PLEKHH3: variants seen among roughly 807,000 people sequenced by gnomAD.
PLEKHH3 encodes the protein pleckstrin homology domain-containing family H member 3.
A neutral mutation model predicts 77.8 loss-of-function variants in PLEKHH3; 57 were observed. That is an observed-to-expected ratio of 0.73 (90% confidence interval 0.59 to 0.91). The LOEUF (loss-of-function observed/expected upper bound fraction) is 0.91. PLEKHH3 is among the 40% of genes least tolerant of loss of function. The pLI is 0.00. For missense variants in PLEKHH3, 1,082 were observed against 1,091.2 expected (o/e 0.99, Z 0.12); for synonymous variants, 467 against 504.8 (o/e 0.93, Z 1.00).
At position 42,668,241 on chromosome 17, in the gene PLEKHH3, G is replaced by GC. The variant is rs1263802810; in HGVS notation, c.2267dup (p.Cys756TrpfsTer61). 7.1e-6 allele frequency: 11 copies of GC among 1,560,066 alleles called. No homozygotes were observed. The highest frequency in any genetic ancestry group is 9.5e-6 in the Non-Finnish European group (11 of 1,159,674). The stretch of plus-strand genomic sequence containing the variant: ...CTTGGCATGGAGGAGAAGAGCTGCT[G>GC]CAGGGCCTCTCGGGGGAGGGGTTGG... On this transcript the variant is annotated frameshift_variant, in exon 13 of 13. Coordinates refer to ENST00000591022, the MANE Select transcript of PLEKHH3 (RefSeq NM_024927.5). LOFTEE classifies it high-confidence loss of function.
intron 1 of PLEKHH3, chr17:42,674,699 C>T (rs2052784517): frequency 2.8e-6 from 1 of 355,140 alleles, no homozygotes; most frequent in African/African-American, 2.1e-5. Flanking sequence ...GGCAGAGAGT[C>T]AGGAGACCTG....
chr17:42,676,281 ACT>A lies in PLEKHH3; in HGVS notation c.162+119_162+120del. On this transcript the variant is annotated intron_variant, in intron 1 of 12. Transcript: ENST00000591022. This position sits in a 1 kb window ranked among gnomAD's most constrained non-coding sequence, Gnocchi z 6.6. ...GGGGGCTTTGGCCCCCAGGCAAAAA[ACT>A]CTCCCTCATCCCTAGTTCGCCAAGC... 13 of 1,495,956 alleles carry A rather than the reference ACT, an allele frequency of 8.7e-6. No individual in the cohort carries two copies. The highest frequency in any genetic ancestry group is 1.2e-5 in the Non-Finnish European group (13 of 1,124,892). The allele number at this position is 1,495,956 out of a possible 1,614,324, so 92.7% of individuals were successfully genotyped here.
Position 42,676,746 on chromosome 17 carries a change from A to T in PLEKHH3, c.-183T>A, listed in dbSNP as rs944543878. The T allele has an allele frequency of 1.6e-5, 10 of 619,112 alleles. No individual in the cohort carries two copies. Among genetic ancestry groups the T allele is most frequent in the Non-Finnish European group, 2.5e-5 (9 of 354,830 alleles). 38.4% of individuals were successfully genotyped at this position (619,112 alleles called of 1,614,324 possible). A position where few individuals can be genotyped will look rare whatever the true frequency, so the allele number is the denominator to read the frequency against. ...GCAAGGGGACGCTAGCCAGACGCTG[A>T]GGGGGGCTCAGTGTCTGGGCCCCCG... On this transcript the variant is annotated 5_prime_UTR_variant, in exon 1 of 13. Transcript: ENST00000591022. This position sits in a 1 kb window ranked among gnomAD's most constrained non-coding sequence, Gnocchi z 6.6.
chr17:42,672,529 A>G, intron 6 of PLEKHH3, 137 bp from the exon 7 acceptor site: 1 of 749,966 alleles, frequency 1.3e-6, no homozygotes, highest in South Asian at 2.0e-5. Context: ...TACGAACGAC[A>G]GGAAGAGTGA....
In PLEKHH3 at chr17:42,670,596, C is replaced by T; in HGVS notation, c.1531G>A (p.Glu511Lys). 1 of 1,611,592 alleles carries T rather than the reference C, an allele frequency of 6.2e-7. No homozygotes were observed. The highest frequency in any genetic ancestry group is 8.5e-7 in the Non-Finnish European group (1 of 1,178,682). The stretch of plus-strand genomic sequence containing the variant: ...ACCTGCTCAAAGAGGAAAGGCAGTT[C>T]GTGACCGTCTGGGGACAGCCCCTCA... ...HPEGLSPDGH[E>K]LPFLFEQAHA... Residue 511 changes from glutamate (E) to lysine (K), a missense_variant, in exon 10 of 13, where the codon GAA (glutamate) becomes AAA (lysine). Around this residue, in one of 3 missense-constraint regions of PLEKHH3, gnomAD observed 733 missense variants for 750.0 expected, o/e 0.98. Coordinates refer to ENST00000591022, the MANE Select transcript of PLEKHH3 (RefSeq NM_024927.5).
In PLEKHH3 at chr17:42,670,697, G is replaced by A. The variant is rs757868240; in HGVS notation, c.1430C>T (p.Ala477Val). 6.2e-7 allele frequency: 1 copy of A among 1,612,334 alleles called. No individual in the cohort carries two copies. Among genetic ancestry groups the A allele is most frequent in the Non-Finnish European group, 8.5e-7 (1 of 1,179,332 alleles). ...DVLTRFENLA[A>V]EEAGLEDSPD... ...CGAGTCCTCCAACCCAGCTTCCTCC[G>A]CGGCCAAGCTGCAGAAGAGGAGCGG... is the stretch of plus-strand genomic sequence containing the variant. The change falls in exon 10 of 13, where the codon GCG becomes GTG. Residue 477 changes from alanine (A) to valine (V), a missense_variant. Around this residue, in one of 3 missense-constraint regions of PLEKHH3, gnomAD observed 733 missense variants for 750.0 expected, o/e 0.98. Coordinates refer to ENST00000591022, the MANE Select transcript of PLEKHH3 (RefSeq NM_024927.5).
Position 42,673,945 on chromosome 17 carries a change from A to T in PLEKHH3, c.287T>A (p.Ile96Asn), listed in dbSNP as rs1567961821. The change falls in exon 3 of 13, where the codon ATC (isoleucine) becomes AAC (asparagine). Residue 96 changes from isoleucine (I) to asparagine (N), a missense_variant. By Grantham distance (149) the Ile-to-Asn change is moderately radical (BLOSUM62 -3). Around this residue, in one of 3 missense-constraint regions of PLEKHH3, gnomAD observed 344 missense variants for 320.8 expected, o/e 1.07. Coordinates refer to ENST00000591022, the MANE Select transcript of PLEKHH3 (RefSeq NM_024927.5). Reference protein sequence around the residue: ...EKGLPEDDPDIVVKGWLYREP... With the variant: ...EKGLPEDDPDNVVKGWLYREP... Reference sequence around the variant, plus strand: ...AGGGGGGTCTCTACCTTTCACAACGATGTCCGGGTCGTCCTCCGGCAGCCC... The same window carrying T: ...AGGGGGGTCTCTACCTTTCACAACGTTGTCCGGGTCGTCCTCCGGCAGCCC... The T allele has an allele frequency of 6.2e-7, 1 of 1,613,376 alleles. No individual in the cohort carries two copies. Among genetic ancestry groups the T allele is most frequent in the East Asian group, 2.2e-5 (1 of 44,854 alleles).
rs1395891036 is a variant in PLEKHH3, at chr17:42,671,097, C to T, written c.1318G>A (p.Ala440Thr). ...AGCGCGAATGCGTTGCGGCTCCGGG[C>T]CAAGCCCAGCCGCCCCACCAGCTCT... ...ARELVGRLGL[A>T]RSRNAFALYE... The change falls in exon 9 of 13, where the codon GCC becomes ACC. Residue 440 changes from alanine to threonine, a missense_variant. Around this residue, in one of 3 missense-constraint regions of PLEKHH3, gnomAD observed 733 missense variants for 750.0 expected, o/e 0.98. Transcript: ENST00000591022. The surrounding 1 kb of genome is among the most constrained non-coding windows in gnomAD (Gnocchi z 4.7). 2.5e-6 allele frequency: 4 copies of T among 1,597,768 alleles called. No individual in the cohort carries two copies. The East Asian group carries it at 6.7e-5, about 27-fold the overall frequency.
Position 42,676,927 on chromosome 17 carries a change from T to G in PLEKHH3, c.-364A>C. 1 of 210,182 alleles carries G rather than the reference T, an allele frequency of 4.8e-6. No individual in the cohort carries two copies. The highest frequency in any genetic ancestry group is 9.5e-6 in the Non-Finnish European group (1 of 105,312). 13.0% of individuals were successfully genotyped at this position (210,182 alleles called of 1,614,324 possible). On this transcript the variant is annotated 5_prime_UTR_variant, in exon 1 of 13. Transcript: ENST00000591022. The surrounding 1 kb of genome is among the most constrained non-coding windows in gnomAD (Gnocchi z 6.6). ...GTTGTCCAAGCTCCAGGGAGGGTCG[T>G]GTCCGGTAGGGCGTCCGGTGGCCGG...
chr17:42,670,123 C>A lies in PLEKHH3; in HGVS notation c.1808G>T (p.Arg603Leu), dbSNP rs962250955. Residue 603 changes from arginine (R) to leucine (L), a missense_variant, in exon 11 of 13, where the codon CGG becomes CTG. Arg to Leu is a moderately radical substitution (Grantham distance 102). Around this residue, in one of 3 missense-constraint regions of PLEKHH3, gnomAD observed 733 missense variants for 750.0 expected, o/e 0.98. Transcript: ENST00000591022. ...SPGLAKRRAERARRGGAGRTA... is the reference protein window; with the variant it reads ...SPGLAKRRAELARRGGAGRTA... ...GCGGCCGGCCCCGCCGCGCCGGGCC[C>A]GCTCCGCCCGCCTCTTGGCCAGGCC... 14 of 1,274,886 alleles carry A rather than the reference C, an allele frequency of 1.1e-5. No individual in the cohort carries two copies. The highest frequency in any genetic ancestry group is 1.4e-5 in the Non-Finnish European group (14 of 1,016,330). The allele number at this position is 1,274,886 out of a possible 1,614,324, so 79.0% of individuals were successfully genotyped here.
chr17:42,669,294 C>A, intron 12 of PLEKHH3, 136 bp downstream of exon 12: 1 of 808,158 alleles, frequency 1.2e-6, no homozygotes, highest in Non-Finnish European at 1.8e-6. Context: ...CTAGTGTAAG[C>A]TCCTTCAGCT....
At chr17:42,669,873 T>C in intron 11 of PLEKHH3, 45 bp downstream of exon 11, 1 of 1,605,224 alleles carries the variant, frequency 6.2e-7, no homozygotes, top group South Asian at 1.1e-5. Context: ...GGCAAAGGTG[T>C]GGGGCTTGGG....
Position 42,676,367 on chromosome 17 carries a change from T to G in PLEKHH3, c.162+35A>C. On this transcript the variant is annotated intron_variant, in intron 1 of 12. Coordinates refer to ENST00000591022, the MANE Select transcript of PLEKHH3 (RefSeq NM_024927.5). The surrounding 1 kb of genome is among the most constrained non-coding windows in gnomAD (Gnocchi z 6.6). ...GCGTGACGGCCGGTTACAGCGAGAG[T>G]GATTGAGACGAGGCTCCGAACCCCC... 6.2e-7 allele frequency: 1 copy of G among 1,608,228 alleles called. No homozygotes were observed. The highest frequency in any genetic ancestry group is 2.2e-5 in the East Asian group (1 of 44,682).
At chr17:42,674,163 C>T (rs1166495071) in intron 2 of PLEKHH3, 150 bp from the exon 3 acceptor site, 7 of 1,094,150 alleles carry the variant, frequency 6.4e-6, no homozygotes, top group Non-Finnish European at 9.0e-6. Flanking sequence ...GACCTCGAAC[C>T]AGAAATAGCC....
rs1418554818 is a variant in PLEKHH3 at position 42,672,127 on chromosome 17, A to G, written c.1035T>C (p.Pro345=). 1 of 1,524,828 alleles carries G rather than the reference A, an allele frequency of 6.6e-7. No individual in the cohort carries two copies. The highest frequency in any genetic ancestry group is 8.8e-7 in the Non-Finnish European group (1 of 1,130,056). The allele number at this position is 1,524,828 out of a possible 1,614,324, so 94.5% of individuals were successfully genotyped here. A position where few individuals can be genotyped will look rare whatever the true frequency, so the allele number is the denominator to read the frequency against. Residue 345 remains proline, a synonymous_variant, in exon 7 of 13, where the codon CCT becomes CCC. Transcript: ENST00000591022. The part of the protein sequence containing the change: ...LLTCMSCTFR[P]GGAVRGHLLG... ...GGAGGTGCCCCCGCACAGCTCCCCC[A>G]GGTCGGAAGGTGCAGCTCATGCAGG...
intron 10 of PLEKHH3, 63 bp downstream of exon 10, chr17:42,670,510 C>T: frequency 6.4e-7 from 1 of 1,559,044 alleles, no homozygotes; most frequent in Non-Finnish European, 8.7e-7. Flanking sequence ...ATGAGACGGC[C>T]TAGAAAACCA....
In PLEKHH3 at chr17:42,672,046, C is replaced by T. The variant is rs191643030; in HGVS notation, c.1076+40G>A. On this transcript the variant is annotated intron_variant, in intron 7 of 12. Coordinates refer to ENST00000591022, the MANE Select transcript of PLEKHH3 (RefSeq NM_024927.5). ...CTTTCATTCTCTCCCAGCCCGGTAG[C>T]TCCTCGCCTAGGCCGTAACCCCCAC... 50 of 1,429,076 alleles carry T rather than the reference C, an allele frequency of 3.5e-5. No homozygotes were observed. The African/African-American group carries it at 5.9e-4, about 17-fold the overall frequency. 88.5% of individuals were successfully genotyped at this position (1,429,076 alleles called of 1,614,324 possible). A position where few individuals can be genotyped will look rare whatever the true frequency, so the allele number is the denominator to read the frequency against.
intron 1 of PLEKHH3, among the ~76,000 whole-genome samples, chr17:42,675,249 G>T (rs574839204): frequency 1.2e-4 from 19 of 152,304 alleles, no homozygotes; most frequent in African/African-American, 4.1e-4. Flanking sequence ...AAGAGGGGGA[G>T]GTGGGGGAGG....
chr17:42,676,321 G>T lies in PLEKHH3; in HGVS notation c.162+81C>A. On this transcript the variant is annotated intron_variant, in intron 1 of 12. Coordinates refer to ENST00000591022, the MANE Select transcript of PLEKHH3 (RefSeq NM_024927.5). The surrounding 1 kb of genome is among the most constrained non-coding windows in gnomAD (Gnocchi z 6.6). ...TAGTTCGCCAAGCGCGCAGCGTGTG[G>T]CTGGAGGCTGGAGCGGATCAGCGTG... 2 of 1,576,430 alleles carry T rather than the reference G, an allele frequency of 1.3e-6. No individual in the cohort carries two copies.
Sources: gnomAD v4.1 joint callset for allele counts (sites outside exome capture counted in the v4.1 genomes callset) on GRCh38, gnomAD v4.1.1 for gene constraint, gnomAD v4.1.1 regional missense constraint, Gnocchi (gnomAD v3.1) non-coding constraint, MANE v1.5 for transcripts, NCBI Gene and HGNC (gene_info 2026-07-23, HGNC 2026-07-21) for gene names.